ATP2B2: variants seen among roughly 807,000 people sequenced by gnomAD.
ATP2B2 encodes ATPase plasma membrane Ca2+ transporting 2.
A neutral mutation model predicts 120.0 loss-of-function variants in ATP2B2; 15 were observed. The observed-to-expected ratio is 0.12, with a 90% confidence interval of 0.08 to 0.19. ATP2B2 has a LOEUF of 0.19. ATP2B2 is among the 10% of genes least tolerant of loss of function. The probability of loss-of-function intolerance (pLI) is 1.00; values close to 1 mark genes in which losing one functional copy is unlikely to be tolerated. For synonymous variants in ATP2B2, 694 were observed against 700.3 expected (o/e 0.99, Z 0.14); for missense variants, 1,045 against 1,719.8 (o/e 0.61, Z 6.94).
chr3:10,627,791 C>G (rs1345356831), intron 1 of ATP2B2, among the ~76,000 whole-genome samples: 2 of 152,174 alleles, frequency 1.3e-5, no homozygotes, highest in African/African-American at 4.8e-5. Flanking sequence ...AAGGTAGACC[C>G]AGTGTCTGAC....
At chr3:10,564,903 A>G (rs145317652) in intron 2 of ATP2B2, among the ~76,000 whole-genome samples, 1 of 152,328 alleles carries the variant, frequency 6.6e-6, no homozygotes, top group African/African-American at 2.4e-5. Flanking sequence ...GTCTGGGTAC[A>G]CGGCTGCTTA....
chr3:10,623,285 C>G (rs1264752540), intron 1 of ATP2B2, among the ~76,000 whole-genome samples: 1 of 152,122 alleles, frequency 6.6e-6, no homozygotes, highest in African/African-American at 2.4e-5. Context: ...TCTCAAACTC[C>G]TGGCTCAAGC....
intron 2 of ATP2B2, among the ~76,000 whole-genome samples, chr3:10,592,644 G>A (rs936936729): frequency 9.2e-5 from 14 of 152,116 alleles, no homozygotes; most frequent in African/African-American, 2.7e-4. Flanking sequence ...AAACACCCAC[G>A]GCCACACCAC....
At chr3:10,459,911 A>T (rs1482343641) in intron 1 of ATP2B2, among the ~76,000 whole-genome samples, 1 of 152,122 alleles carries the variant, frequency 6.6e-6, no homozygotes, top group African/African-American at 2.4e-5. Flanking sequence ...ATACACAGGC[A>T]CTCTTAACAG....
intron 2 of ATP2B2, among the ~76,000 whole-genome samples, chr3:10,437,774 G>C (rs2063525120): frequency 6.6e-6 from 1 of 152,204 alleles, no homozygotes; most frequent in South Asian, 2.1e-4. Context: ...TTTGGAGATA[G>C]AGTCATTGTA....
chr3:10,553,672 C>T (rs1326000561), intron 2 of ATP2B2, among the ~76,000 whole-genome samples: 3 of 152,212 alleles, frequency 2.0e-5, no homozygotes, highest in African/African-American at 7.2e-5. Context: ...CCTGCCCCTC[C>T]ATAGGCCTGC....
chr3:10,683,739 T>C (rs1212223030), intron 1 of ATP2B2, among the ~76,000 whole-genome samples: 2 of 121,518 alleles, frequency 1.6e-5, no homozygotes, highest in Non-Finnish European at 3.3e-5. Flanking sequence ...TATATATATG[T>C]GTATATATAT....
intron 10 of ATP2B2, among the ~76,000 whole-genome samples, chr3:10,376,569 T>C (rs1403142889): frequency 6.6e-6 from 1 of 152,190 alleles, no homozygotes; most frequent in Non-Finnish European, 1.5e-5. Context: ...CAGTTTAGCA[T>C]GCCCATCCCC....
intron 2 of ATP2B2, among the ~76,000 whole-genome samples, chr3:10,537,511 ATT>A (rs61233127): frequency 4.0e-5 from 6 of 150,260 alleles, no homozygotes; most frequent in South Asian, 2.1e-4. Context: ...ATGAAAATAC[ATT>A]TTTTTTTTGT....
chr3:10,328,947 G>C lies in ATP2B2; in HGVS notation c.3599C>G (p.Ser1200Trp), dbSNP rs1426967358. 2 of 1,613,912 alleles carry C rather than the reference G, an allele frequency of 1.2e-6. No individual in the cohort carries two copies. The highest frequency in any genetic ancestry group is 2.2e-5 in the East Asian group (1 of 44,864). The change falls in exon 23 of 23, where the codon TCG (serine) becomes TGG (tryptophan). Residue 1200 changes from serine (S) to tryptophan (W), a missense_variant. Physicochemically the swap from Ser to Trp is radical, Grantham distance 177 (BLOSUM62 -3). Coordinates refer to ENST00000360273, the MANE Select transcript of ATP2B2 (RefSeq NM_001001331.4). ...CTTGTTGAGGGATGACGGCGGGCTC[G>C]AGTTCTGCTTGAGCGCGGCATCTTC... is the stretch of plus-strand genomic sequence containing the variant. ...LEEDAALKQN[S>W]SPPSSLNKNN...
chr3:10,384,710 G>A (rs2061623992), intron 8 of ATP2B2, among the ~76,000 whole-genome samples: 1 of 152,148 alleles, frequency 6.6e-6, no homozygotes, highest in Admixed American at 6.5e-5. Context: ...GAGCCCAAGC[G>A]AACCCCCTGC....
intron 12 of ATP2B2, among the ~76,000 whole-genome samples, chr3:10,360,353 GAATT>G (rs1471931198): frequency 6.6e-6 from 1 of 152,218 alleles, no homozygotes; most frequent in East Asian, 1.9e-4. Context: ...AAAAAATTAT[GAATT>G]ATTTCAAACA....
intron 2 of ATP2B2, among the ~76,000 whole-genome samples, chr3:10,428,683 A>G (rs2063217118): frequency 1.3e-5 from 2 of 152,228 alleles, no homozygotes; most frequent in African/African-American, 4.8e-5. Context: ...GCTCAGTGAA[A>G]AAAGCAAGAT....
intron 2 of ATP2B2, among the ~76,000 whole-genome samples, chr3:10,559,065 ACT>A (rs2067843513): frequency 1.3e-5 from 2 of 151,312 alleles, no homozygotes; most frequent in African/African-American, 4.9e-5. Context: ...CCTAAGAAAC[ACT>A]CTCTGCTGAT....
At chr3:10,653,767 T>C (rs1037243104) in intron 1 of ATP2B2, among the ~76,000 whole-genome samples, 2 of 151,872 alleles carry the variant, frequency 1.3e-5, no homozygotes, top group African/African-American at 2.4e-5. Flanking sequence ...TTAGTGAGAG[T>C]CTCCAGCCTA....
chr3:10,638,174 G>T (rs2070074097), intron 1 of ATP2B2, among the ~76,000 whole-genome samples: 1 of 152,102 alleles, frequency 6.6e-6, no homozygotes, highest in Admixed American at 6.5e-5. Flanking sequence ...ATAACAGATG[G>T]AAATACAGCT....
chr3:10,440,100 T>TAAAAA lies in ATP2B2; in HGVS notation c.199+9240_199+9244dup, dbSNP rs71055819. Among the ~76,000 whole-genome samples the TAAAAA allele has an allele frequency of 4.6e-4, 13 of 28,170 alleles. 2 individuals are homozygous for TAAAAA. The East Asian group carries it at 7.6e-3, about 16-fold the overall frequency. The allele number at this position is 28,170 out of a possible 152,430, so 18.5% of individuals were successfully genotyped here. On this transcript the variant is annotated intron_variant, in intron 2 of 22. Coordinates refer to ENST00000360273, the MANE Select transcript of ATP2B2 (RefSeq NM_001001331.4). Reference sequence around the variant, plus strand: ...CTGGGCAACAGAGTGAGACTCTATCTAAAAAAAAAAAAAAAAAAAAAAAAA... The same window carrying TAAAAA: ...CTGGGCAACAGAGTGAGACTCTATCTAAAAAAAAAAAAAAAAAAAAAAAAAAAAAA...
At chr3:10,430,846 G>A (rs1364677521) in intron 2 of ATP2B2, among the ~76,000 whole-genome samples, 2 of 151,530 alleles carry the variant, frequency 1.3e-5, no homozygotes, top group Non-Finnish European at 2.9e-5. Flanking sequence ...CCACAGTTCT[G>A]TGACCCCTTT....
At chr3:10,555,162 G>A (rs9832174) in intron 2 of ATP2B2, among the ~76,000 whole-genome samples, 2,392 of 152,334 alleles carry the variant, frequency 0.016, 63 homozygotes, top group African/African-American at 0.054. Context: ...CAAACGGCAA[G>A]GATAAAATGT....
Sources: gnomAD v4.1 joint callset for allele counts (sites outside exome capture counted in the v4.1 genomes callset) on GRCh38, gnomAD v4.1.1 for gene constraint, MANE v1.5 for transcripts, NCBI Gene and HGNC (gene_info 2026-07-23, HGNC 2026-07-21) for gene names.